SLC4A5: variants seen among roughly 807,000 people sequenced by gnomAD.
SLC4A5 encodes solute carrier family 4 member 5.
A neutral mutation model predicts 120.4 loss-of-function variants in SLC4A5; 96 were observed. The ratio of observed to expected loss-of-function variants is 0.80; its 90% CI spans 0.68 to 0.94. The LOEUF is 0.94. Ranked by LOEUF, SLC4A5 falls within the 40% of genes least tolerant of loss-of-function variation. SLC4A5 has a pLI of 0.00. For missense variants in SLC4A5, 1,259 were observed against 1,459.5 expected (o/e 0.86, Z 2.24); for synonymous variants, 550 against 571.1 (o/e 0.96, Z 0.53).
chr2:74,279,122 T>A lies in SLC4A5; in HGVS notation c.401+6651A>T, dbSNP rs372476815. ...TGTAAGCCTACGATGTGCTCAGACT[T>A]CGCTGACCCTCAAAAACAAAAGGAT... is the stretch of plus-strand genomic sequence containing the variant. On this transcript the variant is annotated intron_variant, in intron 8 of 30. Transcript: ENST00000394019. Among the ~76,000 whole-genome samples the A allele has an allele frequency of 4.2e-4, 64 of 152,364 alleles. 1 individual carries two copies. In the South Asian group the frequency reaches 0.013, roughly 30 times the overall value.
At chr2:74,252,410 G>A in intron 15 of SLC4A5, 22 bp from the exon 16 acceptor site, 1 of 1,603,330 alleles carries the variant, frequency 6.2e-7, no homozygotes, top group Non-Finnish European at 8.5e-7. Context: ...GGGGGATGAA[G>A]GAGAGTGGGT....
intron 8 of SLC4A5, among the ~76,000 whole-genome samples, chr2:74,275,371 A>T (rs145117372): frequency 6.6e-6 from 1 of 152,232 alleles, no homozygotes; most frequent in Non-Finnish European, 1.5e-5. Context: ...GGGCTCCTTC[A>T]AGGAGAGGCT....
intron 30 of SLC4A5, among the ~76,000 whole-genome samples, chr2:74,220,216 C>T (rs183709661): frequency 2.7e-4 from 41 of 152,338 alleles, no homozygotes; most frequent in African/African-American, 8.9e-4. Flanking sequence ...ATGTCATCAT[C>T]AGGGAGTCTC....
rs765291329 is a variant in SLC4A5 at position 74,222,947 on chromosome 2, CTG to C, written c.3250_3251del (p.Gln1084ValfsTer78). 6.2e-7 allele frequency: 1 copy of C among 1,607,184 alleles called. No homozygotes were observed. Among genetic ancestry groups the C allele is most frequent in the South Asian group, 1.1e-5 (1 of 89,750 alleles). On this transcript the variant is annotated frameshift_variant, in exon 29 of 31. Coordinates refer to ENST00000394019, the Ensembl canonical transcript of SLC4A5. LOFTEE classifies it high-confidence loss of function. ...TCTTTATAACCGAGGGAGGAGGGAA[CTG>C]GGGCTGGAGAAAAACAGTGGGAAAA...
chr2:74,298,028 T>C (rs934038896), intron 7 of SLC4A5, among the ~76,000 whole-genome samples: 1 of 152,238 alleles, frequency 6.6e-6, no homozygotes, highest in African/African-American at 2.4e-5. Context: ...TCTGTTTTTA[T>C]TTCCCACATT....
chr2:74,245,985 G>A (rs1246831873), intron 19 of SLC4A5, among the ~76,000 whole-genome samples: 1 of 152,158 alleles, frequency 6.6e-6, no homozygotes, highest in African/African-American at 2.4e-5. Context: ...GGTGGTCTCT[G>A]GACCTCAGTT....
rs1263564183 is a variant in SLC4A5 at position 74,284,401 on chromosome 2, C to T, written c.401+1372G>A. On this transcript the variant is annotated intron_variant, in intron 8 of 30. Coordinates refer to ENST00000394019, the Ensembl canonical transcript of SLC4A5. ...TTCACCTTGTTAGCCAGGATGGTCT[C>T]GATCTCCTGACCTCATGATCCACCC... is the stretch of plus-strand genomic sequence containing the variant. Among the ~76,000 whole-genome samples the T allele has an allele frequency of 2.6e-4, 34 of 129,404 alleles. 3 individuals are homozygous for T. The highest frequency in any genetic ancestry group is 4.6e-4 in the Non-Finnish European group (30 of 65,352). 84.9% of individuals were successfully genotyped at this position (129,404 alleles called of 152,430 possible).
intron 7 of SLC4A5, among the ~76,000 whole-genome samples, chr2:74,299,182 C>T (rs757095879): frequency 6.6e-6 from 1 of 152,184 alleles, no homozygotes; most frequent in Non-Finnish European, 1.5e-5. Flanking sequence ...GAAACCCCAT[C>T]TCTACTAAAA....
intron 7 of SLC4A5, among the ~76,000 whole-genome samples, chr2:74,297,259 G>A (rs1325308328): frequency 2.6e-5 from 4 of 152,316 alleles, no homozygotes; most frequent in Non-Finnish European, 5.9e-5. Flanking sequence ...TATGTTAAGT[G>A]CCTACCATGC....
At chr2:74,309,008 G>T (rs781181328) in intron 6 of SLC4A5, among the ~76,000 whole-genome samples, 4 of 151,018 alleles carry the variant, frequency 2.6e-5, no homozygotes, top group African/African-American at 9.8e-5. Context: ...TTGACCTCCT[G>T]TGCTCAAGCA....
intron 24 of SLC4A5, among the ~76,000 whole-genome samples, chr2:74,232,220 C>T (rs908649637): frequency 6.6e-6 from 1 of 152,078 alleles, no homozygotes; most frequent in Non-Finnish European, 1.5e-5. Context: ...GTGTCTGGCA[C>T]GTGTGCATAT....
chr2:74,250,723 G>T (rs773284694), intron 16 of SLC4A5: 3 of 578,140 alleles, frequency 5.2e-6, no homozygotes, highest in East Asian at 3.0e-5. Flanking sequence ...ACATTGGGAA[G>T]GGTGGACATA....
At chr2:74,284,693 G>A (rs1671926090) in intron 8 of SLC4A5, among the ~76,000 whole-genome samples, 1 of 152,062 alleles carries the variant, frequency 6.6e-6, no homozygotes, top group African/African-American at 2.4e-5. Context: ...CTGCTGAACA[G>A]TCCAGTTAAG....
chr2:74,304,436 T>A (rs1672573557), intron 7 of SLC4A5, 53 bp downstream of exon 7: 1 of 1,535,954 alleles, frequency 6.5e-7, no homozygotes, highest in Non-Finnish European at 8.8e-7. Flanking sequence ...CTGGGTCCCA[T>A]CTGGACACAC....
At chr2:74,310,538 T>A (rs1283012450) in intron 6 of SLC4A5, among the ~76,000 whole-genome samples, 2 of 152,232 alleles carry the variant, frequency 1.3e-5, no homozygotes, top group Non-Finnish European at 2.9e-5. Context: ...CAAATGCTTT[T>A]TCTGCATCTA....
intron 12 of SLC4A5, among the ~76,000 whole-genome samples, chr2:74,257,993 G>C (rs1671022750): frequency 1.3e-5 from 2 of 152,198 alleles, no homozygotes; most frequent in South Asian, 2.1e-4. Context: ...CCAGAAATGG[G>C]AGCATGCTAG....
intron 5 of SLC4A5, among the ~76,000 whole-genome samples, chr2:74,322,676 TA>T (rs1418156331): frequency 6.6e-6 from 1 of 152,164 alleles, no homozygotes; most frequent in African/African-American, 2.4e-5. Flanking sequence ...ATTAAATTTT[TA>T]AAAGTATTTT....
chr2:74,233,580 A>G lies in SLC4A5; in HGVS notation c.2434-17T>C. 1 of 1,601,818 alleles carries G rather than the reference A, an allele frequency of 6.2e-7. No individual in the cohort carries two copies. The highest frequency in any genetic ancestry group is 8.5e-7 in the Non-Finnish European group (1 of 1,172,918). Reference sequence around the variant, plus strand: ...CCGCGTTGGCTGAGTGGGAGCAAACAGAGAGGGGCCCTTTCCTCTCTCCCT... The same window carrying G: ...CCGCGTTGGCTGAGTGGGAGCAAACGGAGAGGGGCCCTTTCCTCTCTCCCT... On this transcript the variant is annotated splice_polypyrimidine_tract_variant and intron_variant, in intron 22 of 30. Transcript: ENST00000394019.
At chr2:74,223,656 G>A (rs1572999821) in intron 28 of SLC4A5, among the ~76,000 whole-genome samples, 1 of 152,292 alleles carries the variant, frequency 6.6e-6, no homozygotes, top group African/African-American at 2.4e-5. Context: ...CCCTGTAATA[G>A]TTCTTGGCAT....
Sources: gnomAD v4.1 joint callset for allele counts (sites outside exome capture counted in the v4.1 genomes callset) on GRCh38, gnomAD v4.1.1 for gene constraint, MANE v1.5 for transcripts, NCBI Gene and HGNC (gene_info 2026-07-23, HGNC 2026-07-21) for gene names.